Variants in SETD2 observed in about 807,000 individuals in gnomAD.
SETD2 encodes histone-lysine N-methyltransferase SETD2.
SETD2 carries 31 observed loss-of-function variants against 242.1 expected under a neutral mutation model. The observed-to-expected ratio is 0.13, with a 90% confidence interval of 0.10 to 0.17. SETD2 has a LOEUF of 0.17. Ranked by LOEUF, SETD2 falls within the 10% of genes least tolerant of loss-of-function variation. The pLI, the probability that SETD2 is intolerant of heterozygous loss-of-function variation, is 1.00. For synonymous variants in SETD2, 1,006 were observed against 1,066.5 expected (o/e 0.94, Z 1.11); for missense variants, 2,481 against 3,046.3 (o/e 0.81, Z 4.37).
At position 47,057,097 on chromosome 3, in the gene SETD2, C is replaced by T. The variant is rs778126148; in HGVS notation, c.6687G>A (p.Val2229=). 5.9e-5 allele frequency: 95 copies of T among 1,614,108 alleles called. No individual in the cohort carries two copies. The highest frequency in any genetic ancestry group is 1.3e-5 in the Non-Finnish European group (15 of 1,180,040). Residue 2229 remains valine (V), a synonymous_variant, in exon 15 of 21, where the codon GTG becomes GTA. Transcript: ENST00000409792. ...AACTGGAAACTTCCACAGGAGCTGCCACATGTGGCACCACTGGTACTGGTG... is the reference window on the plus strand; with the variant it reads ...AACTGGAAACTTCCACAGGAGCTGCTACATGTGGCACCACTGGTACTGGTG... The part of the protein sequence containing the change: ...APPPVPVVPH[V]AAPVEVSSSQ...
At position 47,042,609 on chromosome 3, in the gene SETD2, G is replaced by C. The variant is rs2107539548; in HGVS notation, c.7190C>G (p.Thr2397Arg). 6.2e-7 allele frequency: 1 copy of C among 1,614,036 alleles called. No individual in the cohort carries two copies. The stretch of plus-strand genomic sequence containing the variant: ...AATCTTCCCTTCTGGATCTCGAGCT[G>C]TCTTCCAGTTGGGAGGTAAGACAAT... ...KTIVLPPNWKTARDPEGKIYY... is the reference protein window; with the variant it reads ...KTIVLPPNWKRARDPEGKIYY... The change falls in exon 17 of 21, where the codon ACA becomes AGA. Residue 2397 changes from threonine to arginine, a missense_variant. Physicochemically the swap from Thr to Arg is moderately conservative, Grantham distance 71 (BLOSUM62 -1). Coordinates refer to ENST00000409792, the MANE Select transcript of SETD2 (RefSeq NM_014159.7).
At chr3:47,046,374 C>A in intron 16 of SETD2, 113 bp downstream of exon 16, 1 of 792,078 alleles carries the variant, frequency 1.3e-6, no homozygotes, top group Non-Finnish European at 1.8e-6. Flanking sequence ...AAACAAAGAA[C>A]ACGTGAAAAA....
intron 1 of SETD2, among the ~76,000 whole-genome samples, chr3:47,127,941 C>G (rs988561582): frequency 6.6e-6 from 1 of 152,260 alleles, no homozygotes; most frequent in East Asian, 1.9e-4. Flanking sequence ...GAGCCAAGAT[C>G]ATGCCACTGC....
At chr3:47,106,879 T>G (rs548654045) in intron 5 of SETD2, among the ~76,000 whole-genome samples, 1 of 152,212 alleles carries the variant, frequency 6.6e-6, no homozygotes, top group South Asian at 2.1e-4. Context: ...TCTGCTGTCT[T>G]TACTCTCAAA....
chr3:47,027,350 A>G (rs144287955), intron 18 of SETD2, among the ~76,000 whole-genome samples: 1 of 43,430 alleles, frequency 2.3e-5, no homozygotes, highest in African/African-American at 4.5e-5. Flanking sequence ...AAAAAAAAAA[A>G]AAAAAAAAAA....
intron 18 of SETD2, among the ~76,000 whole-genome samples, chr3:47,035,705 C>T (rs1324275479): frequency 6.6e-6 from 1 of 152,140 alleles, no homozygotes; most frequent in East Asian, 1.9e-4. Context: ...AAGGGTAAGG[C>T]CTCCAACATG....
At chr3:47,024,734 ATAGT>A (rs1247818636) in intron 18 of SETD2, among the ~76,000 whole-genome samples, 5 of 152,332 alleles carry the variant, frequency 3.3e-5, no homozygotes, top group African/African-American at 2.4e-5. Flanking sequence ...TTAACATAAC[ATAGT>A]TAGAGGAGAT....
At chr3:47,041,652 C>T (rs56362203) in intron 17 of SETD2, among the ~76,000 whole-genome samples, 1 of 151,956 alleles carries the variant, frequency 6.6e-6, no homozygotes, top group African/African-American at 2.4e-5. Context: ...CACACACACA[C>T]AGAGACACAC....
At chr3:47,152,791 C>A (rs1039036973) in intron 1 of SETD2, among the ~76,000 whole-genome samples, 2 of 152,172 alleles carry the variant, frequency 1.3e-5, no homozygotes, top group African/African-American at 2.4e-5. Context: ...TCTTGCAAGC[C>A]CAGAGCAGTG....
intron 15 of SETD2, among the ~76,000 whole-genome samples, chr3:47,056,492 G>T (rs553044495): frequency 6.6e-6 from 1 of 152,196 alleles, no homozygotes; most frequent in East Asian, 1.9e-4. Flanking sequence ...GGGAGAAATG[G>T]AGGCCTGCTA....
chr3:47,096,160 G>A (rs1465921921), intron 9 of SETD2, among the ~76,000 whole-genome samples: 1 of 152,164 alleles, frequency 6.6e-6, no homozygotes, highest in African/African-American at 2.4e-5. Context: ...AAGGTAGGAG[G>A]GGACTCCACT....
At chr3:47,134,345 T>A (rs149801260) in intron 1 of SETD2, among the ~76,000 whole-genome samples, 10 of 152,334 alleles carry the variant, frequency 6.6e-5, no homozygotes, top group African/African-American at 2.2e-4. Flanking sequence ...AGAGTTAAAC[T>A]TCCTCCAATC....
intron 12 of SETD2, among the ~76,000 whole-genome samples, chr3:47,071,603 A>G (rs2040821832): frequency 6.6e-6 from 1 of 152,162 alleles, no homozygotes; most frequent in Admixed American, 6.5e-5. Flanking sequence ...AAAGCAAAAG[A>G]TCACAATTTG....
rs2043749731 is a variant in SETD2 at position 47,142,361 on chromosome 3, T to G, written c.72-15698A>C. On this transcript the variant is annotated intron_variant, in intron 1 of 20. Transcript: ENST00000409792. ...CGCCTCTACAAAAAATAAGCAAAAT[T>G]AGCCAGGTGTGATGGTGTGCGCCTG... Among the ~76,000 whole-genome samples the G allele has an allele frequency of 2.0e-5, 3 of 151,956 alleles. No individual in the cohort carries two copies. The South Asian group carries it at 6.2e-4, about 32-fold the overall frequency.
chr3:47,070,928 G>C (rs1367570666), intron 12 of SETD2, among the ~76,000 whole-genome samples: 1 of 152,148 alleles, frequency 6.6e-6, no homozygotes, highest in Non-Finnish European at 1.5e-5. Context: ...TAGCGATGGG[G>C]TCTTGCTCTG....
chr3:47,076,357 T>C (rs1559694340), intron 12 of SETD2, among the ~76,000 whole-genome samples: 1 of 152,180 alleles, frequency 6.6e-6, no homozygotes, highest in East Asian at 1.9e-4. Context: ...AAAATGAACT[T>C]AATTTCAACA....
At chr3:47,037,916 C>G (rs1456090106) in intron 17 of SETD2, 139 bp from the exon 18 acceptor site, 1 of 614,622 alleles carries the variant, frequency 1.6e-6, no homozygotes. Flanking sequence ...TAAAGACAAA[C>G]TTTTTCTATC....
chr3:47,131,672 T>C (rs1309726143), intron 1 of SETD2, among the ~76,000 whole-genome samples: 1 of 151,638 alleles, frequency 6.6e-6, no homozygotes, highest in Non-Finnish European at 1.5e-5. Context: ...AAAAGTACTA[T>C]ATGTAGCTGC....
rs1559745772 is a variant in SETD2, at chr3:47,122,129, C to T, written c.2507G>A (p.Cys836Tyr). ...GTGATCTGTCAAATTTCTACTATCACATATAACTGGTTTTGATTCCAAATG... is the reference window on the plus strand; with the variant it reads ...GTGATCTGTCAAATTTCTACTATCATATATAACTGGTTTTGATTCCAAATG... ...NVHLESKPVI[C>Y]DSRNLTDHSK... The change falls in exon 3 of 21, where the codon TGT becomes TAT. Residue 836 changes from cysteine to tyrosine, a missense_variant. Physicochemically the swap from Cys to Tyr is radical, Grantham distance 194. This residue lies in a region of SETD2 where 1,300 missense variants were observed against 1,259.2 expected (regional missense o/e 1.03). Transcript: ENST00000409792. The T allele has an allele frequency of 1.9e-6, 3 of 1,613,938 alleles. No homozygotes were observed. The highest frequency in any genetic ancestry group is 2.5e-6 in the Non-Finnish European group (3 of 1,179,932).
Sources: gnomAD v4.1 joint callset for allele counts (sites outside exome capture counted in the v4.1 genomes callset) on GRCh38, gnomAD v4.1.1 for gene constraint, gnomAD v4.1.1 regional missense constraint, MANE v1.5 for transcripts, NCBI Gene and HGNC (gene_info 2026-07-23, HGNC 2026-07-21) for gene names.